GTF2E1: variants seen among roughly 807,000 people sequenced by gnomAD.
GTF2E1 encodes the protein general transcription factor IIE subunit 1, also known as TFIIE alpha subunit.
Under a neutral mutation model 34.9 loss-of-function variants are expected in GTF2E1, and 14 were observed. The ratio of observed to expected loss-of-function variants is 0.40; its 90% confidence interval spans 0.27 to 0.63. The LOEUF is 0.63. Ranked by LOEUF, GTF2E1 falls within the 20% of genes least tolerant of loss-of-function variation. The pLI is 0.39. For synonymous variants in GTF2E1, 188 were observed against 192.9 expected, an observed-to-expected ratio of 0.97 and a Z score of 0.21; for missense variants, 469 against 557.7, an observed-to-expected ratio of 0.84 and a Z score of 1.60.
At chr3:120,770,980 G>C (rs1559834024) in intron 3 of GTF2E1, 51 bp downstream of exon 3, 1 of 1,426,190 alleles carries the variant, frequency 7.0e-7, no homozygotes, top group Admixed American at 1.7e-5. Context: ...ACCTGTTCTT[G>C]TTTTAACTAC....
At chr3:120,762,790 A>G (rs148393894) in intron 2 of GTF2E1, among the ~76,000 whole-genome samples, 1 of 152,298 alleles carries the variant, frequency 6.6e-6, no homozygotes, top group Non-Finnish European at 1.5e-5. Flanking sequence ...TTCTTTTAGC[A>G]TGTGTAAAAT....
intron 1 of GTF2E1, among the ~76,000 whole-genome samples, chr3:120,746,793 C>T (rs367634761): frequency 4.7e-4 from 71 of 152,236 alleles, no homozygotes; most frequent in African/African-American, 1.6e-3. Context: ...GCAAGACACT[C>T]TCTCTATGAA....
intron 1 of GTF2E1, among the ~76,000 whole-genome samples, chr3:120,744,983 A>T (rs927243352): frequency 2.0e-5 from 3 of 151,984 alleles, no homozygotes; most frequent in African/African-American, 7.3e-5. Flanking sequence ...CAGTGGCTCA[A>T]TCATGGCTCA....
chr3:120,761,022 T>G (rs534244951), intron 2 of GTF2E1, among the ~76,000 whole-genome samples: 14 of 152,286 alleles, frequency 9.2e-5, no homozygotes, highest in Middle Eastern at 3.4e-3. Flanking sequence ...CCTTGTACCT[T>G]TGGTAGAATT....
At chr3:120,766,875 C>T (rs977295027) in intron 2 of GTF2E1, among the ~76,000 whole-genome samples, 6 of 152,012 alleles carry the variant, frequency 3.9e-5, no homozygotes, top group Non-Finnish European at 8.8e-5. Flanking sequence ...TCCTCCTGCC[C>T]CTTGCCACTT....
chr3:120,768,076 G>A (rs1358330979), intron 2 of GTF2E1, among the ~76,000 whole-genome samples: 1 of 152,086 alleles, frequency 6.6e-6, no homozygotes, highest in Non-Finnish European at 1.5e-5. Flanking sequence ...TATTTGGGAG[G>A]ACATTTTTTT....
At chr3:120,748,732 G>A (rs1709133294) in intron 1 of GTF2E1, among the ~76,000 whole-genome samples, 1 of 152,102 alleles carries the variant, frequency 6.6e-6, no homozygotes, top group South Asian at 2.1e-4. Context: ...TTGGCAGTGT[G>A]GGCTCTTTTT....
intron 2 of GTF2E1, among the ~76,000 whole-genome samples, chr3:120,760,590 A>T (rs1376951202): frequency 6.6e-6 from 1 of 152,136 alleles, no homozygotes; most frequent in Non-Finnish European, 1.5e-5. Flanking sequence ...TTATTTTGAG[A>T]TACAGTCCAT....
At chr3:120,774,452 A>T (rs1305834157) in intron 3 of GTF2E1, among the ~76,000 whole-genome samples, 1 of 152,216 alleles carries the variant, frequency 6.6e-6, no homozygotes, top group Non-Finnish European at 1.5e-5. Context: ...CAGTGAAGGC[A>T]GCCACATAGC....
chr3:120,769,227 C>A (rs1290013648), intron 2 of GTF2E1, among the ~76,000 whole-genome samples: 1 of 149,620 alleles, frequency 6.7e-6, no homozygotes, highest in Non-Finnish European at 1.5e-5. Flanking sequence ...TTCTTCCTCT[C>A]TTTACTTTGG....
chr3:120,755,027 A>G (rs1057434783), intron 2 of GTF2E1, among the ~76,000 whole-genome samples: 5 of 152,090 alleles, frequency 3.3e-5, no homozygotes, highest in Admixed American at 6.6e-5. Flanking sequence ...CTTCTCATGG[A>G]GATTTACCTT....
At position 120,750,915 on chromosome 3, in the gene GTF2E1, G is replaced by A. The variant is rs768893503; in HGVS notation, c.363G>A (p.Ser121=). 9.9e-6 allele frequency: 16 copies of A among 1,613,746 alleles called. No individual in the cohort carries two copies. The highest frequency in any genetic ancestry group is 6.7e-5 in the East Asian group (3 of 44,892). ...RRRIETDERD[S]TNRASFKCPV... ...GAATTGAGACCGATGAGAGAGATTC[G>A]ACCAACCGGGCTTCCTTCAAATGTC... is the stretch of plus-strand genomic sequence containing the variant. Residue 121 remains serine, a synonymous_variant, in exon 2 of 5, where the codon TCG becomes TCA. Coordinates refer to ENST00000283875, the MANE Select transcript of GTF2E1 (RefSeq NM_005513.3).
intron 3 of GTF2E1, 108 bp from the exon 4 acceptor site, chr3:120,776,315 A>C: frequency 1.1e-6 from 1 of 927,210 alleles, no homozygotes; most frequent in Non-Finnish European, 1.6e-6. Context: ...ATTGCTAGGT[A>C]GCATTTACAT....
chr3:120,744,814 A>G (rs1340812538), intron 1 of GTF2E1, among the ~76,000 whole-genome samples: 1 of 152,146 alleles, frequency 6.6e-6, no homozygotes, highest in Non-Finnish European at 1.5e-5. Flanking sequence ...GGGATTTATT[A>G]TGAATGCCAG....
intron 4 of GTF2E1, among the ~76,000 whole-genome samples, chr3:120,777,696 A>G (rs1305044236): frequency 6.6e-6 from 1 of 152,176 alleles, no homozygotes; most frequent in Non-Finnish European, 1.5e-5. Flanking sequence ...AGGCAACCAT[A>G]CTTTACCCTC....
chr3:120,770,962 A>T (rs772743827), intron 3 of GTF2E1, 33 bp downstream of exon 3: 3 of 1,561,714 alleles, frequency 1.9e-6, no homozygotes, highest in Non-Finnish European at 2.6e-6. Flanking sequence ...TACTAAGAAC[A>T]CATTTCAACC....
At chr3:120,753,414 G>T (rs976393451) in intron 2 of GTF2E1, among the ~76,000 whole-genome samples, 17 of 152,130 alleles carry the variant, frequency 1.1e-4, no homozygotes, top group Non-Finnish European at 1.8e-4. Flanking sequence ...TTGGTTGCTA[G>T]AGGAGATTGA....
chr3:120,748,504 G>A (rs977670386), intron 1 of GTF2E1, among the ~76,000 whole-genome samples: 2 of 152,164 alleles, frequency 1.3e-5, no homozygotes, highest in Non-Finnish European at 2.9e-5. Flanking sequence ...TTATTAAATA[G>A]GGAATCCTTT....
chr3:120,782,763 GAC>G lies in GTF2E1; in HGVS notation c.*1297_*1298del, dbSNP rs1174893927. On this transcript the variant is annotated 3_prime_UTR_variant, in exon 5 of 5. Transcript: ENST00000283875. ...GCTGTCTCTCTTTTAATTTTTGTCA[GAC>G]ACAGTATTTTAGGGTGCATCCAGTA... 1.3e-5 allele frequency: 2 copies of G among 152,092 alleles called. No homozygotes were observed. The highest frequency in any genetic ancestry group is 2.9e-5 in the Non-Finnish European group (2 of 68,014). The allele number at this position is 152,092 out of a possible 1,614,324, so 9.4% of individuals were successfully genotyped here.
Sources: allele counts gnomAD v4.1 joint callset (sites outside exome capture counted in the v4.1 genomes callset), GRCh38; gene constraint gnomAD v4.1.1; transcripts MANE v1.5; gene names NCBI Gene and HGNC (gene_info 2026-07-23, HGNC 2026-07-21).